The following STK10 variants were observed in gnomAD, a reference collection of about 807,000 sequenced individuals.
The protein encoded by STK10 is serine/threonine kinase 10.
In STK10, 78 loss-of-function variants were observed where a neutral mutation model predicts 113.8. The observed-to-expected ratio is 0.69, with a 90% confidence interval of 0.57 to 0.83. STK10 has a LOEUF of 0.83. Among genes scored for constraint, STK10 ranks in the 40% least tolerant of loss-of-function variants. STK10 has a pLI of 0.00. For missense variants in STK10, 1,109 were observed against 1,280.1 expected (o/e 0.87, Z 2.04); for synonymous variants, 465 against 494.7 (o/e 0.94, Z 0.80).
At position 172,042,079 on chromosome 5, in the gene STK10, T is replaced by C. The variant is rs1767385908; in HGVS notation, c.*2803A>G. 1 of 152,618 alleles carries C rather than the reference T, an allele frequency of 6.6e-6. No individual in the cohort carries two copies. The highest frequency in any genetic ancestry group is 1.5e-5 in the Non-Finnish European group (1 of 68,028). The allele number at this position is 152,618 out of a possible 1,614,324, so 9.5% of individuals were successfully genotyped here. On this transcript the variant is annotated 3_prime_UTR_variant, in exon 19 of 19. Transcript: ENST00000176763. ...CCAAAAGAACAACCTGAACGGCAAA[T>C]AACCTTGTTATTTTATTAGAAGCAT...
rs141963161 is a variant in STK10, at chr5:172,106,805, G to A, written c.603C>T (p.Pro201=). The A allele has an allele frequency of 1.4e-4, 227 of 1,613,796 alleles. No homozygotes were observed. The highest frequency in any genetic ancestry group is 1.7e-4 in the Non-Finnish European group (203 of 1,179,796). The change falls in exon 6 of 19, where the codon CCC becomes CCT. Residue 201 remains proline, a synonymous_variant. Coordinates refer to ENST00000176763, the MANE Select transcript of STK10 (RefSeq NM_005990.4). ...SFIGTPYWMA[P]EVVMCETMKD... is the part of the protein sequence containing the mutation. ...TCATGGTCTCACACATGACCACCTC[G>A]GGGGCCATCCTGAACCAACCAAGGG...
In STK10 at chr5:172,187,955, G is replaced by A. The variant is rs1770988629; in HGVS notation, c.88C>T (p.Leu30=). The stretch of plus-strand genomic sequence containing the variant: ...ATCTCCCACACCTCGTTGGGGTCCA[G>A]GTCGCGGCGGACGTGCTCATATTCG... ...SREYEHVRRD[L]DPNEVWEIVG... Residue 30 remains leucine, a synonymous_variant, in exon 1 of 19, where the codon CTG becomes TTG. Transcript: ENST00000176763. This position sits in a 1 kb window ranked among gnomAD's most constrained non-coding sequence, Gnocchi z 4.6. The A allele has an allele frequency of 6.2e-7, 1 of 1,613,552 alleles. No individual in the cohort carries two copies. Among genetic ancestry groups the A allele is most frequent in the African/African-American group, 1.3e-5 (1 of 74,926 alleles).
intron 4 of STK10, among the ~76,000 whole-genome samples, chr5:172,109,636 C>T (rs1769192767): frequency 6.6e-6 from 1 of 152,122 alleles, no homozygotes; most frequent in African/African-American, 2.4e-5. Flanking sequence ...TGCATTCCAA[C>T]ACTCTCAGTC....
rs749617577 is a variant in STK10 at position 172,174,364 on chromosome 5, G to A, written c.156+13523C>T. ...TTTTTGTATTTTTAATAGAGATGGC[G>A]TTTCACCATATTGGCCAGGCTGGTC... On this transcript the variant is annotated intron_variant, in intron 1 of 18. Coordinates refer to ENST00000176763, the MANE Select transcript of STK10 (RefSeq NM_005990.4). Among the ~76,000 whole-genome samples, 8 of 151,978 alleles carry A rather than the reference G, an allele frequency of 5.3e-5. No individual in the cohort carries two copies. In the South Asian group the frequency reaches 6.3e-4, roughly 12 times the overall value.
chr5:172,102,492 C>T (rs1250489043), intron 7 of STK10, among the ~76,000 whole-genome samples: 1 of 152,102 alleles, frequency 6.6e-6, no homozygotes, highest in Non-Finnish European at 1.5e-5. Flanking sequence ...GTGCTGCACG[C>T]TGGGTGCGTG....
At chr5:172,172,779 A>G (rs1478339804) in intron 1 of STK10, among the ~76,000 whole-genome samples, 1 of 152,150 alleles carries the variant, frequency 6.6e-6, no homozygotes, top group Non-Finnish European at 1.5e-5. Flanking sequence ...CAGGAGTTCA[A>G]GACCAGCCTG....
At chr5:172,154,553 G>A (rs527386379) in intron 2 of STK10, among the ~76,000 whole-genome samples, 56 of 152,264 alleles carry the variant, frequency 3.7e-4, no homozygotes, top group African/African-American at 1.1e-3. Flanking sequence ...GAGGAGCTGG[G>A]GCCTTCTACA....
rs1770624075 is a variant in STK10, at chr5:172,169,297, C to G, written c.157-12509G>C. ...AAGGCTCAGCCCACCTGACTCCTCT[C>G]AGTCTACCCTACAGAGCCTGGCACA... is the stretch of plus-strand genomic sequence containing the variant. On this transcript the variant is annotated intron_variant, in intron 1 of 18. Coordinates refer to ENST00000176763, the MANE Select transcript of STK10 (RefSeq NM_005990.4). Among the ~76,000 whole-genome samples, 5 of 152,322 alleles carry G rather than the reference C, an allele frequency of 3.3e-5. No individual in the cohort carries two copies. In the South Asian group the frequency reaches 1.0e-3, roughly 32 times the overall value.
chr5:172,107,003 C>T, intron 5 of STK10, 189 bp from the exon 6 acceptor site: 1 of 529,108 alleles, frequency 1.9e-6, no homozygotes, highest in East Asian at 3.5e-5. Flanking sequence ...CTCCACGCGG[C>T]TCCCCGCCAC....
At position 172,044,962 on chromosome 5, in the gene STK10, C is replaced by T. The variant is rs76110035; in HGVS notation, c.2827G>A (p.Glu943Lys). ...REQEMFFKLS[E>K]EAECPNPSTP... is the part of the protein sequence containing the mutation. ...GAGGGGTTTGGGCACTCCGCCTCCT[C>T]GCTCAGCTTGAAGAACATCTCCTGC... Residue 943 changes from glutamate to lysine, a missense_variant, in exon 19 of 19, where the codon GAG becomes AAG. Physicochemically the swap from Glu to Lys is moderately conservative, Grantham distance 56 (BLOSUM62 1). Transcript: ENST00000176763. The surrounding 1 kb of genome is among the most constrained non-coding windows in gnomAD (Gnocchi z 4.5). The T allele has an allele frequency of 8.1e-6, 13 of 1,614,214 alleles. No homozygotes were observed. Among genetic ancestry groups the T allele is most frequent in the East Asian group, 2.2e-5 (1 of 44,880 alleles).
intron 12 of STK10, among the ~76,000 whole-genome samples, chr5:172,072,688 C>T (rs1191640419): frequency 6.6e-6 from 1 of 152,182 alleles, no homozygotes; most frequent in Non-Finnish European, 1.5e-5. Context: ...ATATTGAATG[C>T]CTTCCCCTTA....
At chr5:172,095,576 C>G (rs1047279742) in intron 8 of STK10, among the ~76,000 whole-genome samples, 4 of 152,272 alleles carry the variant, frequency 2.6e-5, no homozygotes, top group African/African-American at 9.6e-5. Flanking sequence ...CCACCAGGGG[C>G]TCCATGCATG....
intron 12 of STK10, among the ~76,000 whole-genome samples, chr5:172,066,971 G>A (rs1394031290): frequency 6.6e-6 from 1 of 152,170 alleles, no homozygotes; most frequent in African/African-American, 2.4e-5. Flanking sequence ...CAGAACCTGT[G>A]GTCTGCAGGG....
chr5:172,119,603 G>C (rs376319873), intron 3 of STK10, among the ~76,000 whole-genome samples: 1 of 152,054 alleles, frequency 6.6e-6, no homozygotes, highest in East Asian at 1.9e-4. Context: ...GGTGGCTCAC[G>C]CCTGTAATCC....
Position 172,042,911 on chromosome 5 carries a change from A to G in STK10, c.*1971T>C, listed in dbSNP as rs1429939588. On this transcript the variant is annotated 3_prime_UTR_variant, in exon 19 of 19. Coordinates refer to ENST00000176763, the MANE Select transcript of STK10 (RefSeq NM_005990.4). ...CTTCCCAAGCATTCAGTTATAACCAATGTTGAGAAAATTTCCAGGGAATTG... is the reference window on the plus strand; with the variant it reads ...CTTCCCAAGCATTCAGTTATAACCAGTGTTGAGAAAATTTCCAGGGAATTG... The G allele has an allele frequency of 3.9e-5, 6 of 152,134 alleles. No individual in the cohort carries two copies. Among genetic ancestry groups the G allele is most frequent in the Non-Finnish European group, 8.8e-5 (6 of 68,032 alleles). The allele number at this position is 152,134 out of a possible 1,614,324, so 9.4% of individuals were successfully genotyped here.
chr5:172,135,023 T>C (rs1444650408), intron 2 of STK10, among the ~76,000 whole-genome samples: 5 of 151,874 alleles, frequency 3.3e-5, no homozygotes, highest in Admixed American at 2.6e-4. Flanking sequence ...AAAGAACTCA[T>C]AGCACTCAAA....
rs1022138312 is a variant in STK10 at position 172,043,995 on chromosome 5, T to C, written c.*887A>G. 2 of 152,304 alleles carry C rather than the reference T, an allele frequency of 1.3e-5. No homozygotes were observed. Among genetic ancestry groups the C allele is most frequent in the African/African-American group, 4.8e-5 (2 of 41,450 alleles). The allele number at this position is 152,304 out of a possible 1,614,324, so 9.4% of individuals were successfully genotyped here. ...ATCAGTCCCTGCACACAGGAGCCTG[T>C]GCGGGGGCCAGCACGCATCGCAGCC... On this transcript the variant is annotated 3_prime_UTR_variant, in exon 19 of 19. Coordinates refer to ENST00000176763, the MANE Select transcript of STK10 (RefSeq NM_005990.4).
chr5:172,165,726 C>T (rs1476191727), intron 1 of STK10, among the ~76,000 whole-genome samples: 1 of 152,114 alleles, frequency 6.6e-6, no homozygotes. Flanking sequence ...GATGCCTGGG[C>T]ATGGTCCCAA....
At chr5:172,179,240 C>T (rs1410659021) in intron 1 of STK10, among the ~76,000 whole-genome samples, 3 of 152,186 alleles carry the variant, frequency 2.0e-5, no homozygotes, top group Admixed American at 6.5e-5. Context: ...ACTTTGCAGA[C>T]ACAAGATTCA....
Sources: gnomAD v4.1 joint callset for allele counts (sites outside exome capture counted in the v4.1 genomes callset) on GRCh38, gnomAD v4.1.1 for gene constraint, Gnocchi (gnomAD v3.1) non-coding constraint, MANE v1.5 for transcripts, NCBI Gene and HGNC (gene_info 2026-07-23, HGNC 2026-07-21) for gene names.